The following PACC1 variants were observed in gnomAD, a reference collection of about 807,000 sequenced individuals.
PACC1 encodes proton-activated chloride channel.
A neutral mutation model predicts 39.7 loss-of-function variants in PACC1; 34 were observed. That is an observed-to-expected ratio of 0.86 (90% CI 0.65 to 1.14). The LOEUF (loss-of-function observed/expected upper bound fraction) is 1.14. Among genes scored for constraint, PACC1 ranks in the 50% most tolerant of loss-of-function variants. The pLI is 0.00. For synonymous variants in PACC1, 127 were observed against 160.6 expected (o/e 0.79, Z 1.58); for missense variants, 379 against 436.4 (o/e 0.87, Z 1.17).
At chr1:212,395,589 G>T (rs1286611299) in intron 2 of PACC1, among the ~76,000 whole-genome samples, 1 of 152,008 alleles carries the variant, frequency 6.6e-6, no homozygotes, top group Non-Finnish European at 1.5e-5. Context: ...TGACAAATGG[G>T]GCCTAATTAA....
chr1:212,365,429 C>CT (rs879161931), intron 7 of PACC1, 53 bp from the exon 8 acceptor site: 65,651 of 971,826 alleles, frequency 0.068, 276 homozygotes, highest in Middle Eastern at 0.077. Context: ...AGTCTTGATT[C>CT]TTTTTTTTTT....
At chr1:212,379,710 A>C (rs1358756439) in intron 5 of PACC1, among the ~76,000 whole-genome samples, 185 bp downstream of exon 5, 1 of 152,192 alleles carries the variant, frequency 6.6e-6, no homozygotes, top group Admixed American at 6.5e-5. Context: ...AGATTTGCTT[A>C]ACTTTGTGAT....
chr1:212,414,643 C>A, intron 1 of PACC1, 79 bp downstream of exon 1: 1 of 1,563,382 alleles, frequency 6.4e-7, no homozygotes, highest in Non-Finnish European at 8.8e-7. Context: ...CCCGACACCC[C>A]CCGCCCCGCA....
chr1:212,370,039 A>G (rs1177601330), intron 7 of PACC1, among the ~76,000 whole-genome samples: 1 of 152,222 alleles, frequency 6.6e-6, no homozygotes, highest in Admixed American at 6.5e-5. Flanking sequence ...AGGGAGAGAC[A>G]GACTGCAATA....
At chr1:212,406,140 C>T (rs980018631) in intron 2 of PACC1, among the ~76,000 whole-genome samples, 51 of 142,658 alleles carry the variant, frequency 3.6e-4, no homozygotes, top group African/African-American at 1.3e-3. Context: ...AGCCCTAAAG[C>T]CCTACACAGG....
At chr1:212,380,177 C>G (rs1258088403) in intron 4 of PACC1, 140 bp from the exon 5 acceptor site, 3 of 849,820 alleles carry the variant, frequency 3.5e-6, no homozygotes, top group Non-Finnish European at 5.4e-6. Flanking sequence ...AACAACAGGA[C>G]TGGGCTGGGA....
At chr1:212,388,054 CA>C (rs57874166) in intron 2 of PACC1, among the ~76,000 whole-genome samples, 1,176 of 100,554 alleles carry the variant, frequency 0.012, 16 homozygotes, top group African/African-American at 0.031. Flanking sequence ...AACTCCATCT[CA>C]AAAAAAAAAA....
chr1:212,396,796 ATATCTATCTATCTATCTATCTATCTATC>A (rs56926217), intron 2 of PACC1, among the ~76,000 whole-genome samples: 9 of 146,738 alleles, frequency 6.1e-5, no homozygotes, highest in Non-Finnish European at 9.0e-5. Flanking sequence ...AGGGAAAAAA[ATATCTATCTATCTATCTATCTATCTATC>A]TATCTATCTA....
intron 7 of PACC1, among the ~76,000 whole-genome samples, chr1:212,371,259 AG>A (rs1355656627): frequency 7.6e-4 from 92 of 121,250 alleles, no homozygotes; most frequent in Non-Finnish European, 1.0e-3. Flanking sequence ...AAAAAAAAAA[AG>A]AAAGAAAAGT....
chr1:212,378,007 C>A (rs1042916054), intron 5 of PACC1, among the ~76,000 whole-genome samples: 2 of 152,196 alleles, frequency 1.3e-5, no homozygotes, highest in Admixed American at 1.3e-4. Context: ...TCATTCCTAT[C>A]GATGGCTACC....
intron 1 of PACC1, 141 bp downstream of exon 1, chr1:212,414,581 C>A (rs1200931070): frequency 8.4e-6 from 9 of 1,070,174 alleles, no homozygotes; most frequent in Non-Finnish European, 1.1e-5. Flanking sequence ...ACCCCGGGAG[C>A]CCTCCCCTGA....
chr1:212,383,659 T>C (rs904773522), intron 4 of PACC1, among the ~76,000 whole-genome samples: 2 of 152,192 alleles, frequency 1.3e-5, no homozygotes, highest in African/African-American at 2.4e-5. Flanking sequence ...GGTTGACTAG[T>C]ATAGGTCTGG....
At chr1:212,365,492 G>T in intron 7 of PACC1, 116 bp from the exon 8 acceptor site, 1 of 1,100,272 alleles carries the variant, frequency 9.1e-7, no homozygotes, top group South Asian at 1.7e-5. Flanking sequence ...TGTGCGTGGC[G>T]CAATCTCGGC....
At chr1:212,405,637 G>C (rs1378720730) in intron 2 of PACC1, among the ~76,000 whole-genome samples, 2 of 152,172 alleles carry the variant, frequency 1.3e-5, no homozygotes, top group Admixed American at 6.5e-5. Context: ...AGGGAGGGGA[G>C]AATTTGGAGC....
intron 2 of PACC1, among the ~76,000 whole-genome samples, chr1:212,401,310 G>A (rs539975278): frequency 1.9e-4 from 29 of 152,188 alleles, no homozygotes; most frequent in African/African-American, 6.7e-4. Context: ...ATATGTGGCT[G>A]TGTCTGACTT....
chr1:212,389,082 G>T (rs1178647805), intron 2 of PACC1, among the ~76,000 whole-genome samples: 1 of 152,212 alleles, frequency 6.6e-6, no homozygotes, highest in African/African-American at 2.4e-5. Context: ...GAAATTGAAA[G>T]AGAGGCTACC....
intron 4 of PACC1, among the ~76,000 whole-genome samples, chr1:212,381,770 G>GACACAGTGAC (rs1553281060): frequency 8.5e-6 from 1 of 118,080 alleles, no homozygotes; most frequent in African/African-American, 3.6e-5. Context: ...ACAGCACAGT[G>GACACAGTGAC]ACACACACAC....
At chr1:212,392,526 A>G (rs1393744516) in intron 2 of PACC1, among the ~76,000 whole-genome samples, 1 of 152,292 alleles carries the variant, frequency 6.6e-6, no homozygotes, top group East Asian at 1.9e-4. Context: ...GGAAGAAACT[A>G]CATCAACTAA....
At chr1:212,412,439 C>T (rs183325637) in intron 1 of PACC1, among the ~76,000 whole-genome samples, 1,890 of 152,288 alleles carry the variant, frequency 0.012, 22 homozygotes, top group Middle Eastern at 0.024. Flanking sequence ...ATCCCACCCT[C>T]CCCAAGGAAA....
Sources: allele counts gnomAD v4.1 joint callset (sites outside exome capture counted in the v4.1 genomes callset), GRCh38; gene constraint gnomAD v4.1.1; transcripts MANE v1.5; gene names NCBI Gene and HGNC (gene_info 2026-07-23, HGNC 2026-07-21).